The following GPC5 variants were observed in gnomAD, a reference collection of about 807,000 sequenced individuals.
GPC5 encodes the protein glypican 5.
In GPC5, 47 loss-of-function variants were observed where a neutral mutation model predicts 53.9. The ratio of observed to expected loss-of-function variants is 0.87; its 90% CI spans 0.69 to 1.11. GPC5 has a LOEUF of 1.11. Ranked by LOEUF, GPC5 falls within the 50% of genes most tolerant of loss-of-function variation. The probability of loss-of-function intolerance (pLI) is 0.00; values close to 1 mark genes in which losing one functional copy is unlikely to be tolerated. For synonymous variants in GPC5, 286 were observed against 263.3 expected (o/e 1.09, Z -0.84); for missense variants, 748 against 713.1 (o/e 1.05, Z -0.56).
At chr13:92,315,245 C>T (rs1284211883) in intron 7 of GPC5, among the ~76,000 whole-genome samples, 1 of 152,174 alleles carries the variant, frequency 6.6e-6, no homozygotes, top group Non-Finnish European at 1.5e-5. Flanking sequence ...GGAGCAAGAT[C>T]GTGGTTCCTC....
intron 7 of GPC5, among the ~76,000 whole-genome samples, chr13:92,650,297 A>T (rs552367016): frequency 1.2e-4 from 18 of 152,230 alleles, no homozygotes; most frequent in African/African-American, 4.3e-4. Context: ...CTCATTTTCC[A>T]TTTGATATCT....
intron 5 of GPC5, among the ~76,000 whole-genome samples, chr13:91,890,936 C>G (rs983989376): frequency 6.6e-6 from 1 of 152,082 alleles, no homozygotes; most frequent in Non-Finnish European, 1.5e-5. Flanking sequence ...CTAGTTTGCA[C>G]TTTGAATGTC....
At chr13:92,862,486 C>G (rs1173724285) in intron 7 of GPC5, among the ~76,000 whole-genome samples, 1 of 151,908 alleles carries the variant, frequency 6.6e-6, no homozygotes, top group Non-Finnish European at 1.5e-5. Context: ...TTCCATCTGC[C>G]CCGTACTCTC....
chr13:91,583,234 A>G (rs1434761163), intron 2 of GPC5, among the ~76,000 whole-genome samples: 1 of 152,140 alleles, frequency 6.6e-6, no homozygotes, highest in Non-Finnish European at 1.5e-5. Flanking sequence ...AGTAAAAGAA[A>G]TAAAAGGAAT....
chr13:92,409,716 T>C (rs1875960332), intron 7 of GPC5, among the ~76,000 whole-genome samples: 1 of 152,178 alleles, frequency 6.6e-6, no homozygotes, highest in African/African-American at 2.4e-5. Context: ...ACGACCAAGA[T>C]GTATGCACAA....
intron 3 of GPC5, among the ~76,000 whole-genome samples, chr13:91,711,539 T>C (rs1283708505): frequency 6.6e-6 from 1 of 152,148 alleles, no homozygotes; most frequent in Non-Finnish European, 1.5e-5. Flanking sequence ...ACCAACATGG[T>C]ACATGTATAC....
At chr13:92,635,244 A>T (rs115715662) in intron 7 of GPC5, among the ~76,000 whole-genome samples, 2,705 of 152,286 alleles carry the variant, frequency 0.018, 84 homozygotes, top group African/African-American at 0.061. Flanking sequence ...TAAACAGAGT[A>T]TATAAGTTTA....
chr13:92,482,574 TC>T (rs1339724453), intron 7 of GPC5, among the ~76,000 whole-genome samples: 1 of 152,126 alleles, frequency 6.6e-6, no homozygotes, highest in Admixed American at 6.6e-5. Context: ...AGGGTTTTTT[TC>T]CCCCCTTAAA....
At chr13:92,766,413 G>A (rs1443686109) in intron 7 of GPC5, among the ~76,000 whole-genome samples, 1 of 152,016 alleles carries the variant, frequency 6.6e-6, no homozygotes, top group Admixed American at 6.6e-5. Flanking sequence ...CAGCCAAATA[G>A]TAATAATGGT....
chr13:92,014,643 G>A (rs1039654751), intron 6 of GPC5, among the ~76,000 whole-genome samples: 2 of 151,976 alleles, frequency 1.3e-5, no homozygotes, highest in African/African-American at 4.8e-5. Context: ...ATTTTCTAGA[G>A]TGTGTTACAA....
At chr13:91,427,416 T>A (rs891389176) in intron 1 of GPC5, among the ~76,000 whole-genome samples, 1 of 152,158 alleles carries the variant, frequency 6.6e-6, no homozygotes, top group East Asian at 1.9e-4. Flanking sequence ...TCAAATGAGA[T>A]CTTTTTGGAG....
At chr13:91,978,727 G>T (rs1458698299) in intron 6 of GPC5, among the ~76,000 whole-genome samples, 1 of 152,126 alleles carries the variant, frequency 6.6e-6, no homozygotes, top group Non-Finnish European at 1.5e-5. Context: ...AAAAGTCATT[G>T]CCAGGTTTTA....
rs570757464 is a variant in GPC5 at position 91,747,114 on chromosome 13, CT to C, written c.1155-9176del. 2.2e-3 allele frequency among the ~76,000 whole-genome samples: 342 copies of C among 152,158 alleles called. 3 individuals carry two copies. Among genetic ancestry groups the C allele is most frequent in the African/African-American group, 7.9e-3 (329 of 41,522 alleles). The stretch of plus-strand genomic sequence containing the variant: ...AGAAATTAACTGGTTAGTCATGCAC[CT>C]TTTTATTATTTTACACCTTACTAAA... On this transcript the variant is annotated intron_variant, in intron 4 of 7. Transcript: ENST00000377067.
chr13:91,806,483 G>A (rs2038224449), intron 5 of GPC5, among the ~76,000 whole-genome samples: 2 of 151,526 alleles, frequency 1.3e-5, no homozygotes, highest in African/African-American at 2.4e-5. Flanking sequence ...TCTTAAATGG[G>A]AGGATTCAAA....
At chr13:92,798,258 G>A (rs1186316686) in intron 7 of GPC5, among the ~76,000 whole-genome samples, 3 of 151,740 alleles carry the variant, frequency 2.0e-5, no homozygotes, top group Non-Finnish European at 2.9e-5. Flanking sequence ...GTTTATAAAT[G>A]TTTGTTTATG....
chr13:92,576,068 T>C (rs1883180799), intron 7 of GPC5, among the ~76,000 whole-genome samples: 2 of 152,330 alleles, frequency 1.3e-5, no homozygotes, highest in South Asian at 4.1e-4. Context: ...ATATTCAGTT[T>C]CTAATTCTTC....
At chr13:92,837,970 C>T (rs774972724) in intron 7 of GPC5, among the ~76,000 whole-genome samples, 4 of 151,634 alleles carry the variant, frequency 2.6e-5, no homozygotes, top group Non-Finnish European at 5.9e-5. Context: ...TGGCGCATGC[C>T]TGTAATCCCA....
chr13:92,414,728 T>A (rs1413115106), intron 7 of GPC5, among the ~76,000 whole-genome samples: 1 of 152,170 alleles, frequency 6.6e-6, no homozygotes, highest in East Asian at 1.9e-4. Flanking sequence ...CTTACAATTC[T>A]AGAGGCTGGG....
intron 7 of GPC5, among the ~76,000 whole-genome samples, chr13:92,424,534 T>A: frequency 6.6e-6 from 1 of 152,084 alleles, no homozygotes; most frequent in East Asian, 1.9e-4. Flanking sequence ...GTTCAATTTG[T>A]CTTTTCAAAG....
Sources: gnomAD v4.1 joint callset for allele counts (sites outside exome capture counted in the v4.1 genomes callset) on GRCh38, gnomAD v4.1.1 for gene constraint, MANE v1.5 for transcripts, NCBI Gene and HGNC (gene_info 2026-07-23, HGNC 2026-07-21) for gene names.